The following SH3RF3 variants were observed in gnomAD, a reference collection of about 807,000 sequenced individuals.
The protein encoded by SH3RF3 is SH3 domain containing ring finger 3, also known as E3 ubiquitin-protein ligase SH3RF3.
A neutral mutation model predicts 66.3 loss-of-function variants in SH3RF3; 29 were observed. That is an observed-to-expected ratio of 0.44 (90% CI 0.33 to 0.60). SH3RF3 has a LOEUF of 0.60. Ranked by LOEUF, SH3RF3 falls within the 20% of genes least tolerant of loss-of-function variation. The pLI, the probability that SH3RF3 is intolerant of heterozygous loss-of-function variation, is 0.04. For missense variants in SH3RF3, 1,194 were observed against 1,190.9 expected, an observed-to-expected ratio of 1.00 and a Z score of -0.04; for synonymous variants, 583 against 532.0, an observed-to-expected ratio of 1.10 and a Z score of -1.32.
intron 1 of SH3RF3, among the ~76,000 whole-genome samples, chr2:109,249,529 T>C (rs1196919009): frequency 2.3e-5 from 3 of 131,930 alleles, no homozygotes; most frequent in African/African-American, 6.0e-5. Flanking sequence ...TTTTCTTTCT[T>C]TCTTTCCTTC....
At chr2:109,258,233 A>G (rs1369909182) in intron 1 of SH3RF3, among the ~76,000 whole-genome samples, 1 of 152,176 alleles carries the variant, frequency 6.6e-6, no homozygotes, top group East Asian at 1.9e-4. Context: ...AGTGGGGGAC[A>G]GCCTGGCGCT....
At chr2:109,224,785 A>T (rs1371922374) in intron 1 of SH3RF3, among the ~76,000 whole-genome samples, 1 of 152,118 alleles carries the variant, frequency 6.6e-6, no homozygotes, top group Admixed American at 6.5e-5. Flanking sequence ...TGAAACCTGG[A>T]GAGGGAGGTT....
chr2:109,289,708 G>C (rs1337081660), intron 1 of SH3RF3, among the ~76,000 whole-genome samples: 1 of 152,156 alleles, frequency 6.6e-6, no homozygotes, highest in African/African-American at 2.4e-5. Flanking sequence ...GATGAAACAT[G>C]ATATGACTTC....
intron 7 of SH3RF3, among the ~76,000 whole-genome samples, chr2:109,444,986 G>A (rs1029009400): frequency 9.2e-5 from 14 of 152,120 alleles, no homozygotes; most frequent in African/African-American, 2.9e-4. Context: ...CTATGAATCA[G>A]AAACAACTGG....
intron 2 of SH3RF3, among the ~76,000 whole-genome samples, chr2:109,361,251 G>A (rs544845666): frequency 9.9e-5 from 15 of 152,036 alleles, no homozygotes; most frequent in Non-Finnish European, 2.1e-4. Context: ...GGATATTTGC[G>A]TTTATGTTCA....
At chr2:109,452,932 G>A (rs1267713289) in intron 8 of SH3RF3, among the ~76,000 whole-genome samples, 2 of 145,944 alleles carry the variant, frequency 1.4e-5, no homozygotes, top group Non-Finnish European at 3.0e-5. Flanking sequence ...GGCTGGTCCC[G>A]GGAGGCTGGT....
At chr2:109,229,826 CT>C (rs35149686) in intron 1 of SH3RF3, among the ~76,000 whole-genome samples, 35,527 of 129,454 alleles carry the variant, frequency 0.27, 4,138 homozygotes, top group South Asian at 0.35. Flanking sequence ...CTTTTTCTTT[CT>C]TTTTTTTTTT....
At chr2:109,323,428 A>G (rs1682076243) in intron 1 of SH3RF3, among the ~76,000 whole-genome samples, 1 of 152,262 alleles carries the variant, frequency 6.6e-6, no homozygotes, top group Non-Finnish European at 1.5e-5. Context: ...ATATGCACAT[A>G]CTATCCCAAA....
At chr2:109,295,430 C>T (rs754203311) in intron 1 of SH3RF3, among the ~76,000 whole-genome samples, 20 of 152,310 alleles carry the variant, frequency 1.3e-4, no homozygotes, top group Admixed American at 3.3e-4. Context: ...GAACTCAGGG[C>T]GGGAGCCGAG....
chr2:109,149,984 A>T (rs2104866340), intron 1 of SH3RF3, among the ~76,000 whole-genome samples: 1 of 152,250 alleles, frequency 6.6e-6, no homozygotes, highest in East Asian at 1.9e-4. Context: ...TCCCCTGGGG[A>T]ACCTCCCCAA....
At chr2:109,273,363 T>C (rs1383322299) in intron 1 of SH3RF3, among the ~76,000 whole-genome samples, 1 of 152,182 alleles carries the variant, frequency 6.6e-6, no homozygotes, top group Non-Finnish European at 1.5e-5. Context: ...CCAAGCTCCA[T>C]TGAGCCTTAA....
intron 3 of SH3RF3, among the ~76,000 whole-genome samples, chr2:109,378,638 G>A (rs141459369): frequency 2.0e-5 from 3 of 152,338 alleles, no homozygotes; most frequent in Non-Finnish European, 4.4e-5. Context: ...CTTAGACTCA[G>A]TTTGGTGTTT....
intron 1 of SH3RF3, among the ~76,000 whole-genome samples, chr2:109,209,367 C>CTAG (rs1459642096): frequency 6.6e-6 from 1 of 152,112 alleles, no homozygotes; most frequent in Non-Finnish European, 1.5e-5. Context: ...AGTTGGCTTC[C>CTAG]TAGGAAGATG....
intron 3 of SH3RF3, among the ~76,000 whole-genome samples, chr2:109,395,672 C>T (rs1347477564): frequency 6.6e-6 from 1 of 152,222 alleles, no homozygotes; most frequent in Admixed American, 6.5e-5. Flanking sequence ...AGTGCAGTCA[C>T]TTGTGAGCAG....
At chr2:109,181,558 C>A (rs896809326) in intron 1 of SH3RF3, among the ~76,000 whole-genome samples, 1 of 152,222 alleles carries the variant, frequency 6.6e-6, no homozygotes, top group African/African-American at 2.4e-5. Flanking sequence ...GTCCATGCCA[C>A]ACTCCTACTT....
chr2:109,465,518 A>G (rs1678317349), intron 8 of SH3RF3, among the ~76,000 whole-genome samples: 1 of 152,192 alleles, frequency 6.6e-6, no homozygotes, highest in African/African-American at 2.4e-5. Context: ...GGATTTTGCC[A>G]TCCTAATAGT....
chr2:109,262,923 C>G (rs906560489), intron 1 of SH3RF3, among the ~76,000 whole-genome samples: 6 of 152,108 alleles, frequency 3.9e-5, no homozygotes, highest in Non-Finnish European at 1.5e-5. Flanking sequence ...ACCTTTGCCT[C>G]CCGGGTTCCA....
chr2:109,441,897 TACTG>T (rs1677574008), intron 7 of SH3RF3, among the ~76,000 whole-genome samples: 1 of 152,040 alleles, frequency 6.6e-6, no homozygotes, highest in Non-Finnish European at 1.5e-5. Flanking sequence ...CCAAAAAACA[TACTG>T]AAAGAAATAT....
At chr2:109,442,799 A>G (rs1440231549) in intron 7 of SH3RF3, among the ~76,000 whole-genome samples, 1 of 152,258 alleles carries the variant, frequency 6.6e-6, no homozygotes, top group African/African-American at 2.4e-5. Context: ...AAAAGAAACA[A>G]TACATGGGTC....
Sources: gnomAD v4.1 joint callset for allele counts (sites outside exome capture counted in the v4.1 genomes callset) on GRCh38, gnomAD v4.1.1 for gene constraint, MANE v1.5 for transcripts, NCBI Gene and HGNC (gene_info 2026-07-23, HGNC 2026-07-21) for gene names.